SLC22A3: variants seen among roughly 807,000 people sequenced by gnomAD.
The protein encoded by SLC22A3 is solute carrier family 22 member 3, also known as EMT organic cation transporter 3.
A neutral mutation model predicts 59.1 loss-of-function variants in SLC22A3; 51 were observed. The ratio of observed to expected loss-of-function variants is 0.86; its 90% CI spans 0.69 to 1.09. The LOEUF (loss-of-function observed/expected upper bound fraction) is 1.09, where lower values mean the gene tolerates loss of function less well. Among genes scored for constraint, SLC22A3 ranks in the 50% least tolerant of loss-of-function variants. The pLI, the probability that SLC22A3 is intolerant of heterozygous loss-of-function variation, is 0.00. For missense variants in SLC22A3, 711 were observed against 726.3 expected (o/e 0.98, Z 0.24); for synonymous variants, 325 against 292.0 (o/e 1.11, Z -1.15).
chr6:160,361,947 T>TG (rs936439184), intron 1 of SLC22A3, among the ~76,000 whole-genome samples: 8 of 152,170 alleles, frequency 5.3e-5, no homozygotes, highest in African/African-American at 1.9e-4. Context: ...TGTGGTAACT[T>TG]GAGAATACAA....
chr6:160,451,231 A>G lies in SLC22A3; in HGVS notation c.*175A>G. On this transcript the variant is annotated 3_prime_UTR_variant, in exon 11 of 11. Transcript: ENST00000275300. ...TTTATATAATGTTGGATGAGTTAGG[A>G]TTTGTAATGCTGTTGAAGTTTCTGG... The G allele has an allele frequency of 1.6e-6, 1 of 636,720 alleles. No individual in the cohort carries two copies. Among genetic ancestry groups the G allele is most frequent in the South Asian group, 1.8e-5 (1 of 54,454 alleles). The allele number at this position is 636,720 out of a possible 1,614,324, so 39.4% of individuals were successfully genotyped here.
At chr6:160,421,660 A>G (rs138084567) in intron 5 of SLC22A3, among the ~76,000 whole-genome samples, 4 of 152,214 alleles carry the variant, frequency 2.6e-5, no homozygotes, top group Non-Finnish European at 1.5e-5. Context: ...GGCTTGTTTT[A>G]TTCCATTAAT....
intron 7 of SLC22A3, 49 bp from the exon 8 acceptor site, chr6:160,442,712 A>G: frequency 7.3e-7 from 1 of 1,362,588 alleles, no homozygotes; most frequent in Non-Finnish European, 1.1e-6. Flanking sequence ...TAAAATGTTA[A>G]TGAAATCAGA....
chr6:160,364,662 C>T (rs1351838520), intron 1 of SLC22A3, among the ~76,000 whole-genome samples: 3 of 152,098 alleles, frequency 2.0e-5, no homozygotes, highest in South Asian at 2.1e-4. Context: ...TAGTTGTCCA[C>T]GTGAAGGAAA....
At chr6:160,422,733 G>A (rs116195668) in intron 5 of SLC22A3, among the ~76,000 whole-genome samples, 1,787 of 152,062 alleles carry the variant, frequency 0.012, 25 homozygotes, top group Middle Eastern at 0.044. Context: ...TATCCTTTGC[G>A]GGAGAAGGAT....
At chr6:160,405,341 A>G (rs761829275) in intron 2 of SLC22A3, among the ~76,000 whole-genome samples, 1 of 152,114 alleles carries the variant, frequency 6.6e-6, no homozygotes, top group East Asian at 1.9e-4. Flanking sequence ...AATGCCCATT[A>G]AAACAGCAGT....
intron 1 of SLC22A3, among the ~76,000 whole-genome samples, chr6:160,390,579 T>C (rs761293551): frequency 1.3e-5 from 2 of 151,960 alleles, no homozygotes; most frequent in Non-Finnish European, 2.9e-5. Flanking sequence ...GGGAAAAAGA[T>C]GTACACTCTC....
At chr6:160,380,974 A>G (rs1301051844) in intron 1 of SLC22A3, among the ~76,000 whole-genome samples, 1 of 152,224 alleles carries the variant, frequency 6.6e-6, no homozygotes, top group Non-Finnish European at 1.5e-5. Context: ...TCAGAAAGGT[A>G]AACATAATTC....
At chr6:160,409,054 G>A in intron 4 of SLC22A3, 133 bp downstream of exon 4, 1 of 709,704 alleles carries the variant, frequency 1.4e-6, no homozygotes, top group Non-Finnish European at 2.2e-6. Flanking sequence ...AAGTTTTAGG[G>A]TACATGTGCA....
rs141569897 is a variant in SLC22A3 at position 160,386,240 on chromosome 6, C to T, written c.430-11739C>T. ...TACTTCTGCCCATATATCTCACTCT[C>T]TGTTTTCCAGCCTGTCTTTTCTGTT... On this transcript the variant is annotated intron_variant, in intron 1 of 10. Coordinates refer to ENST00000275300, the MANE Select transcript of SLC22A3 (RefSeq NM_021977.4). 1.8e-4 allele frequency among the ~76,000 whole-genome samples: 28 copies of T among 152,348 alleles called. No homozygotes were observed. The East Asian group carries it at 5.0e-3, about 27-fold the overall frequency.
chr6:160,409,105 T>C (rs1320252746), intron 4 of SLC22A3, among the ~76,000 whole-genome samples, 184 bp downstream of exon 4: 2 of 132,270 alleles, frequency 1.5e-5, no homozygotes, highest in Non-Finnish European at 3.2e-5. Context: ...TGTGCCACGC[T>C]GGTGCGCTGC....
chr6:160,375,171 G>C lies in SLC22A3; in HGVS notation c.430-22808G>C, dbSNP rs144194669. On this transcript the variant is annotated intron_variant, in intron 1 of 10. Coordinates refer to ENST00000275300, the MANE Select transcript of SLC22A3 (RefSeq NM_021977.4). ...GCTCCTCTTTTTCCTGAAAGAAATGGAAGGAATCAGGCTCATGAAAAGCCA... is the reference window on the plus strand; with the variant it reads ...GCTCCTCTTTTTCCTGAAAGAAATGCAAGGAATCAGGCTCATGAAAAGCCA... Among the ~76,000 whole-genome samples the C allele has an allele frequency of 5.1e-4, 77 of 152,252 alleles. 1 individual carries two copies. In the East Asian group the frequency reaches 0.014, roughly 28 times the overall value.
intron 5 of SLC22A3, chr6:160,426,473 C>T (rs1415772828): frequency 2.8e-5 from 14 of 496,036 alleles, no homozygotes; most frequent in South Asian, 8.6e-5. Flanking sequence ...ACTCTTCCCT[C>T]GGCAGGTTCC....
Position 160,348,710 on chromosome 6 carries a change from G to A in SLC22A3, c.291G>A (p.Ala97=), listed in dbSNP as rs1234380820. The part of the protein sequence containing the change: ...RGRCQRYLLE[A]ANDSASATSA... ...GCTGCCAGCGCTACCTCCTGGAGGCGGCCAACGACAGCGCCTCCGCCACTA... is the reference window on the plus strand; with the variant it reads ...GCTGCCAGCGCTACCTCCTGGAGGCAGCCAACGACAGCGCCTCCGCCACTA... Residue 97 remains alanine, a synonymous_variant, in exon 1 of 11, where the codon GCG becomes GCA. Transcript: ENST00000275300. 16 of 1,522,110 alleles carry A rather than the reference G, an allele frequency of 1.1e-5. No individual in the cohort carries two copies. The highest frequency in any genetic ancestry group is 1.4e-5 in the Non-Finnish European group (16 of 1,141,878). The allele number at this position is 1,522,110 out of a possible 1,614,324, so 94.3% of individuals were successfully genotyped here.
At chr6:160,434,164 C>T (rs949354738) in intron 5 of SLC22A3, among the ~76,000 whole-genome samples, 5 of 152,202 alleles carry the variant, frequency 3.3e-5, no homozygotes, top group Non-Finnish European at 5.9e-5. Context: ...ATTGTCCTTG[C>T]AGGATGGGTG....
At chr6:160,436,106 A>C (rs1235410121) in intron 5 of SLC22A3, among the ~76,000 whole-genome samples, 1 of 152,208 alleles carries the variant, frequency 6.6e-6, no homozygotes, top group Non-Finnish European at 1.5e-5. Context: ...CAAGCACAGG[A>C]AACTGGAGCT....
chr6:160,422,410 A>AT (rs1787775063), intron 5 of SLC22A3, among the ~76,000 whole-genome samples: 2 of 152,236 alleles, frequency 1.3e-5, no homozygotes, highest in South Asian at 4.1e-4. Context: ...AAGAATTAAA[A>AT]TTAAGATCCA....
Position 160,348,820 on chromosome 6 carries a change from C to T in SLC22A3, c.401C>T (p.Ala134Val), listed in dbSNP as rs1164774007. The T allele has an allele frequency of 1.1e-5, 18 of 1,582,418 alleles. No homozygotes were observed. In the Admixed American group the frequency reaches 2.9e-4, roughly 26 times the overall value. Residue 134 changes from alanine (A) to valine (V), a missense_variant, in exon 1 of 11, where the codon GCC becomes GTC. Transcript: ENST00000275300. ...CCGTGCCGCGGCGGCTGGCGCTACG[C>T]CCAGGCCCACTCCACCATCGTCAGC... The part of the protein sequence containing the change: ...LVPCRGGWRY[A>V]QAHSTIVSEF...
At chr6:160,432,242 A>G (rs1039099076) in intron 5 of SLC22A3, among the ~76,000 whole-genome samples, 8 of 152,128 alleles carry the variant, frequency 5.3e-5, no homozygotes, top group Non-Finnish European at 1.0e-4. Flanking sequence ...CCCTAAACTA[A>G]TCAGGCCTCC....
Sources: gnomAD v4.1 joint callset for allele counts (sites outside exome capture counted in the v4.1 genomes callset) on GRCh38, gnomAD v4.1.1 for gene constraint, MANE v1.5 for transcripts, NCBI Gene and HGNC (gene_info 2026-07-23, HGNC 2026-07-21) for gene names.